CAMTA1: variants seen among roughly 807,000 people sequenced by gnomAD.
CAMTA1 encodes the protein calmodulin binding transcription activator 1.
CAMTA1 carries 27 observed loss-of-function variants against 170.9 expected under a neutral mutation model. That is an observed-to-expected ratio of 0.16 (90% CI 0.12 to 0.22). The LOEUF (loss-of-function observed/expected upper bound fraction) is 0.22. Among genes scored for constraint, CAMTA1 ranks in the 10% least tolerant of loss-of-function variants. The pLI, the probability that CAMTA1 is intolerant of heterozygous loss-of-function variation, is 1.00. For missense variants in CAMTA1, 1,619 were observed against 2,217.2 expected, an observed-to-expected ratio of 0.73 and a Z score of 5.42; for synonymous variants, 833 against 891.5, an observed-to-expected ratio of 0.93 and a Z score of 1.17.
intron 1 of CAMTA1, among the ~76,000 whole-genome samples, chr1:6,803,246 GGATGGA>G (rs1355560707): frequency 1.3e-5 from 2 of 152,216 alleles, no homozygotes; most frequent in Non-Finnish European, 2.9e-5. Flanking sequence ...AAACATAAAA[GGATGGA>G]GATGTGTATC....
At chr1:7,480,347 A>ATG (rs551899967) in intron 6 of CAMTA1, among the ~76,000 whole-genome samples, 2 of 145,968 alleles carry the variant, frequency 1.4e-5, no homozygotes, top group African/African-American at 5.1e-5. Flanking sequence ...GTATATGTGC[A>ATG]TGTGTGTGTT....
chr1:6,865,263 AG>A (rs1666179846), intron 3 of CAMTA1, among the ~76,000 whole-genome samples: 1 of 152,186 alleles, frequency 6.6e-6, no homozygotes, highest in South Asian at 2.1e-4. Flanking sequence ...TGGGTACAGT[AG>A]TGGATCTAGA....
chr1:6,955,305 C>T (rs1296304368), intron 3 of CAMTA1, among the ~76,000 whole-genome samples: 5 of 152,152 alleles, frequency 3.3e-5, no homozygotes, highest in Non-Finnish European at 7.4e-5. Flanking sequence ...TCTCCCCTCA[C>T]CCCTCCACTC....
At chr1:7,172,135 G>A (rs1029363896) in intron 4 of CAMTA1, among the ~76,000 whole-genome samples, 1 of 152,094 alleles carries the variant, frequency 6.6e-6, no homozygotes, top group African/African-American at 2.4e-5. Flanking sequence ...AAGTGGAGGT[G>A]GAGATCTTGT....
At chr1:6,788,633 G>T (rs1456708166) in intron 1 of CAMTA1, among the ~76,000 whole-genome samples, 1 of 152,180 alleles carries the variant, frequency 6.6e-6, no homozygotes, top group Non-Finnish European at 1.5e-5. Flanking sequence ...GCTGTAGATG[G>T]TGTAGACTCA....
chr1:6,794,892 TTTTTTTG>T (rs1020655876), intron 1 of CAMTA1, among the ~76,000 whole-genome samples: 2 of 149,152 alleles, frequency 1.3e-5, no homozygotes, highest in African/African-American at 4.9e-5. Flanking sequence ...TTTTTTTTGT[TTTTTTTG>T]TTTTTTTGTT....
At chr1:7,516,084 C>T (rs1011375006) in intron 6 of CAMTA1, among the ~76,000 whole-genome samples, 5 of 152,228 alleles carry the variant, frequency 3.3e-5, no homozygotes, top group Non-Finnish European at 7.3e-5. Context: ...ACCTACCCCA[C>T]TCCCGCCTCC....
intron 4 of CAMTA1, among the ~76,000 whole-genome samples, chr1:7,152,928 G>A (rs1031263462): frequency 1.3e-5 from 2 of 152,228 alleles, no homozygotes; most frequent in Non-Finnish European, 2.9e-5. Flanking sequence ...GCTGTGTTCT[G>A]TATTTTGAAT....
At chr1:6,860,979 T>C (rs1282314146) in intron 3 of CAMTA1, among the ~76,000 whole-genome samples, 2 of 151,278 alleles carry the variant, frequency 1.3e-5, no homozygotes, top group African/African-American at 4.9e-5. Flanking sequence ...TTTTTTTTTT[T>C]TTTGGGTCAG....
chr1:7,265,224 C>T (rs1461532625), intron 5 of CAMTA1, among the ~76,000 whole-genome samples: 1 of 152,158 alleles, frequency 6.6e-6, no homozygotes, highest in Non-Finnish European at 1.5e-5. Flanking sequence ...AAATGTGGCT[C>T]ATCCAAGTGC....
At chr1:7,668,890 C>T (rs1180945813) in intron 9 of CAMTA1, among the ~76,000 whole-genome samples, 14 of 152,186 alleles carry the variant, frequency 9.2e-5, no homozygotes, top group African/African-American at 2.4e-5. Flanking sequence ...TCTTCCACTT[C>T]CCAGGATCCT....
intron 6 of CAMTA1, among the ~76,000 whole-genome samples, chr1:7,475,387 G>A (rs1448870235): frequency 6.6e-6 from 1 of 152,174 alleles, no homozygotes; most frequent in East Asian, 1.9e-4. Flanking sequence ...CTGACACTCT[G>A]CCCCAAAGAG....
At chr1:6,883,369 A>C (rs1310231132) in intron 3 of CAMTA1, among the ~76,000 whole-genome samples, 9 of 152,174 alleles carry the variant, frequency 5.9e-5, no homozygotes, top group Non-Finnish European at 1.3e-4. Context: ...TGGTTCAAGC[A>C]AAAACGACTG....
chr1:7,747,752 A>G lies in CAMTA1; in HGVS notation c.4660A>G (p.Ile1554Val). Residue 1554 changes from isoleucine to valine, a missense_variant, in exon 19 of 23, where the codon ATT becomes GTT. Ile to Val is a conservative substitution (Grantham distance 29). This residue lies in a region of CAMTA1 where 128 missense variants were observed against 213.5 expected (regional missense o/e 0.60). Transcript: ENST00000303635. ...REQQEVAAAV[I>V]QRCYRKYKQY... ...ACAGCAAGAAGTAGCTGCTGCTGTT[A>G]TTCAGCGTTGTTACAGAAAATATAA... The G allele has an allele frequency of 6.2e-7, 1 of 1,613,014 alleles. No homozygotes were observed. Among genetic ancestry groups the G allele is most frequent in the South Asian group, 1.1e-5 (1 of 90,848 alleles).
At chr1:7,343,397 G>A (rs74052949) in intron 5 of CAMTA1, among the ~76,000 whole-genome samples, 1,927 of 152,274 alleles carry the variant, frequency 0.013, 19 homozygotes, top group Middle Eastern at 0.024. Flanking sequence ...GGCCACCTCC[G>A]AGGCCATATT....
chr1:7,549,196 C>T (rs1210876150), intron 6 of CAMTA1, among the ~76,000 whole-genome samples: 13 of 136,084 alleles, frequency 9.6e-5, no homozygotes, highest in African/African-American at 2.4e-4. Context: ...TGGAGGTGCC[C>T]GTGGAGGGTG....
intron 6 of CAMTA1, among the ~76,000 whole-genome samples, chr1:7,530,812 G>GCT (rs762021564): frequency 2.0e-5 from 2 of 100,792 alleles, no homozygotes; most frequent in Non-Finnish European, 3.8e-5. Flanking sequence ...GTGAGCTCTT[G>GCT]TTTTTTTTTT....
chr1:7,676,258 C>T (rs2096119728), intron 10 of CAMTA1, among the ~76,000 whole-genome samples: 3 of 152,236 alleles, frequency 2.0e-5, no homozygotes, highest in African/African-American at 4.8e-5. Flanking sequence ...CCAGGCACCT[C>T]GGAGGTCCTA....
At chr1:7,060,759 G>A (rs1558041148) in intron 3 of CAMTA1, among the ~76,000 whole-genome samples, 2 of 152,176 alleles carry the variant, frequency 1.3e-5, no homozygotes, top group South Asian at 4.1e-4. Flanking sequence ...AAGTTTTGAG[G>A]CCTCTTGTAT....
Sources: gnomAD v4.1 joint callset for allele counts (sites outside exome capture counted in the v4.1 genomes callset) on GRCh38, gnomAD v4.1.1 for gene constraint, gnomAD v4.1.1 regional missense constraint, MANE v1.5 for transcripts, NCBI Gene and HGNC (gene_info 2026-07-23, HGNC 2026-07-21) for gene names.